Variants in FRMD4A observed in about 807,000 individuals in gnomAD.
FRMD4A encodes FERM domain-containing protein 4A.
A neutral mutation model predicts 129.1 loss-of-function variants in FRMD4A; 29 were observed. The ratio of observed to expected loss-of-function variants is 0.22; its 90% CI spans 0.17 to 0.31. FRMD4A has a LOEUF of 0.31. Among genes scored for constraint, FRMD4A ranks in the 10% least tolerant of loss-of-function variants. The probability of loss-of-function intolerance (pLI) is 1.00; values close to 1 mark genes in which losing one functional copy is unlikely to be tolerated. For missense variants in FRMD4A, 1,272 were observed against 1,375.8 expected (o/e 0.92, Z 1.19); for synonymous variants, 634 against 571.6 (o/e 1.11, Z -1.56).
intron 2 of FRMD4A, among the ~76,000 whole-genome samples, chr10:13,939,985 T>C (rs970352805): frequency 1.3e-5 from 2 of 152,168 alleles, no homozygotes; most frequent in Non-Finnish European, 2.9e-5. Context: ...GCGCAGCTCT[T>C]TGATTGAAAT....
intron 2 of FRMD4A, among the ~76,000 whole-genome samples, chr10:14,041,929 G>A (rs1459338530): frequency 6.6e-6 from 1 of 152,208 alleles, no homozygotes; most frequent in Non-Finnish European, 1.5e-5. Context: ...GACAGTGACT[G>A]AAACGAGCAC....
At chr10:14,270,934 A>G (rs1845143161) in intron 2 of FRMD4A, among the ~76,000 whole-genome samples, 1 of 152,234 alleles carries the variant, frequency 6.6e-6, no homozygotes, top group African/African-American at 2.4e-5. Flanking sequence ...AATTTATAAA[A>G]AAAGAGATTT....
At chr10:13,980,527 C>T (rs537998484) in intron 2 of FRMD4A, among the ~76,000 whole-genome samples, 89 of 152,128 alleles carry the variant, frequency 5.9e-4, no homozygotes, top group Non-Finnish European at 1.1e-3. Context: ...GCCAGGAGTT[C>T]GAGACCAGCC....
chr10:13,757,713 T>C (rs2091920800), intron 8 of FRMD4A, among the ~76,000 whole-genome samples: 2 of 152,182 alleles, frequency 1.3e-5, no homozygotes. Flanking sequence ...TATAGTTCTC[T>C]TTCCATTAAG....
intron 9 of FRMD4A, among the ~76,000 whole-genome samples, chr10:13,741,086 C>G (rs528278501): frequency 6.6e-6 from 1 of 152,276 alleles, no homozygotes; most frequent in Admixed American, 6.5e-5. Context: ...CTTGGCCTCC[C>G]AAAGTACTGG....
chr10:14,220,804 G>GTGTT (rs1374933249), intron 2 of FRMD4A, among the ~76,000 whole-genome samples: 4 of 33,154 alleles, frequency 1.2e-4, no homozygotes, highest in African/African-American at 2.6e-4. Context: ...GTGTGTGTGT[G>GTGTT]TGTGTGTTTG....
intron 2 of FRMD4A, among the ~76,000 whole-genome samples, chr10:14,005,330 A>G (rs780309979): frequency 3.3e-5 from 5 of 151,846 alleles, no homozygotes; most frequent in Non-Finnish European, 5.9e-5. Flanking sequence ...TCCATTTTAT[A>G]TTTCCTTTAT....
intron 2 of FRMD4A, among the ~76,000 whole-genome samples, chr10:13,959,415 T>A (rs1366378142): frequency 7.3e-6 from 1 of 136,132 alleles, no homozygotes; most frequent in Admixed American, 8.6e-5. Context: ...GAGGTTGCAG[T>A]GAGCTGAGAT....
intron 2 of FRMD4A, among the ~76,000 whole-genome samples, chr10:14,158,689 G>A (rs1840724544): frequency 6.6e-6 from 1 of 151,350 alleles, no homozygotes; most frequent in South Asian, 2.1e-4. Context: ...AGGAGGAAGA[G>A]AAGTAGGAAG....
chr10:13,943,551 G>A (rs1355537350), intron 2 of FRMD4A, among the ~76,000 whole-genome samples: 3 of 146,016 alleles, frequency 2.1e-5, no homozygotes, highest in Non-Finnish European at 1.5e-5. Flanking sequence ...GGGAGGCTGA[G>A]ACAGGAGAAT....
At chr10:13,858,954 CCAGA>C (rs779698885) in intron 2 of FRMD4A, 42 bp from the exon 3 acceptor site, 33 of 1,248,532 alleles carry the variant, frequency 2.6e-5, no homozygotes, top group South Asian at 4.8e-5. Context: ...AGTCTAGCAG[CCAGA>C]CAAAGGGTTA....
intron 2 of FRMD4A, among the ~76,000 whole-genome samples, chr10:13,952,506 A>C (rs2095379627): frequency 6.6e-6 from 1 of 152,104 alleles, no homozygotes; most frequent in African/African-American, 2.4e-5. Flanking sequence ...GTCTCTAAAA[A>C]AGAAAACAAC....
chr10:14,276,928 A>C (rs1282123863), intron 2 of FRMD4A, among the ~76,000 whole-genome samples: 1 of 152,196 alleles, frequency 6.6e-6, no homozygotes, highest in Non-Finnish European at 1.5e-5. Flanking sequence ...GCAGTGGCAC[A>C]GTCTTGGCTC....
At chr10:13,973,785 G>T (rs914814849) in intron 2 of FRMD4A, among the ~76,000 whole-genome samples, 12 of 134,968 alleles carry the variant, frequency 8.9e-5, no homozygotes, top group Admixed American at 6.6e-4. Context: ...GAGGGTGAAA[G>T]GGAGGGAGGG....
At chr10:14,124,615 G>T (rs754308960) in intron 2 of FRMD4A, among the ~76,000 whole-genome samples, 16 of 152,164 alleles carry the variant, frequency 1.1e-4, no homozygotes, top group Non-Finnish European at 2.2e-4. Flanking sequence ...GGCGGAGGTT[G>T]CAGTGAGCCG....
At chr10:13,846,904 G>A (rs1204259900) in intron 3 of FRMD4A, among the ~76,000 whole-genome samples, 1 of 152,200 alleles carries the variant, frequency 6.6e-6, no homozygotes, top group African/African-American at 2.4e-5. Context: ...ACTAGGCAGG[G>A]TGGCAAGGAG....
At chr10:13,778,760 G>A (rs910207510) in intron 6 of FRMD4A, among the ~76,000 whole-genome samples, 3 of 152,074 alleles carry the variant, frequency 2.0e-5, no homozygotes, top group African/African-American at 7.2e-5. Context: ...AAGCGCACGA[G>A]GAGAGCCTCC....
chr10:13,847,274 T>C (rs1217336166), intron 3 of FRMD4A, among the ~76,000 whole-genome samples: 2 of 152,148 alleles, frequency 1.3e-5, no homozygotes. Flanking sequence ...TGGCAAAATA[T>C]GGAAATCTTC....
intron 2 of FRMD4A, among the ~76,000 whole-genome samples, chr10:13,898,828 G>A (rs1467009536): frequency 2.0e-5 from 3 of 152,218 alleles, no homozygotes; most frequent in Non-Finnish European, 2.9e-5. Flanking sequence ...GGGCAGTCTT[G>A]GACTCCTTTT....
Sources: allele counts gnomAD v4.1 joint callset (sites outside exome capture counted in the v4.1 genomes callset), GRCh38; gene constraint gnomAD v4.1.1; transcripts MANE v1.5; gene names NCBI Gene and HGNC (gene_info 2026-07-23, HGNC 2026-07-21).